FAM221A: variants seen among roughly 807,000 people sequenced by gnomAD.
The protein encoded by FAM221A is protein FAM221A.
Under a neutral mutation model 37.6 loss-of-function variants are expected in FAM221A, and 43 were observed. The ratio of observed to expected loss-of-function variants is 1.15; its 90% CI spans 0.90 to 1.48. FAM221A has a LOEUF of 1.48. FAM221A is among the 40% of genes most tolerant of loss of function. The pLI, the probability that FAM221A is intolerant of heterozygous loss-of-function variation, is 0.00. For missense variants in FAM221A, 361 were observed against 361.5 expected (o/e 1.00, Z 0.01); for synonymous variants, 135 against 132.9 (o/e 1.02, Z -0.11).
rs1428784290 is a variant in FAM221A at position 23,684,561 on chromosome 7, G to T, written c.128G>T (p.Arg43Ile). The T allele has an allele frequency of 1.2e-6, 2 of 1,613,806 alleles. No homozygotes were observed. Among genetic ancestry groups the T allele is most frequent in the Non-Finnish European group, 1.7e-6 (2 of 1,179,954 alleles). Residue 43 changes from arginine (R) to isoleucine (I), a missense_variant, in exon 2 of 7, where the codon AGA becomes ATA. By Grantham distance (97) the Arg-to-Ile change is moderately conservative. Transcript: ENST00000344962. ...FTPEEYEEYKRKVLPLRLQNR... is the reference protein window; with the variant it reads ...FTPEEYEEYKIKVLPLRLQNR... ...CCTGAAGAATATGAAGAATACAAAA[G>T]AAAAGTTTTACCTCTGCGCTTACAA...
chr7:23,683,214 C>T (rs779195876), intron 1 of FAM221A, among the ~76,000 whole-genome samples: 13 of 152,082 alleles, frequency 8.5e-5, no homozygotes, highest in Non-Finnish European at 1.6e-4. Flanking sequence ...TTCTTTTAGT[C>T]GTGCTTTCTT....
chr7:23,683,215 G>A (rs1468125223), intron 1 of FAM221A, among the ~76,000 whole-genome samples: 3 of 152,132 alleles, frequency 2.0e-5, no homozygotes, highest in Non-Finnish European at 4.4e-5. Context: ...TCTTTTAGTC[G>A]TGCTTTCTTT....
chr7:23,686,362 C>A, intron 2 of FAM221A: 1 of 388,350 alleles, frequency 2.6e-6, no homozygotes. Context: ...CTCCTGGGCT[C>A]AAGCGATCCT....
chr7:23,691,352 A>G, intron 3 of FAM221A, 38 bp from the exon 4 acceptor site: 1 of 1,599,084 alleles, frequency 6.3e-7, no homozygotes, highest in Non-Finnish European at 8.6e-7. Flanking sequence ...ACAACATAGT[A>G]CCTTTAAGAA....
At chr7:23,692,365 G>A in intron 4 of FAM221A, 1 of 400,566 alleles carries the variant, frequency 2.5e-6, no homozygotes, top group Non-Finnish European at 3.4e-6. Context: ...TTTTGAGACG[G>A]AGTTTTGCTC....
intron 1 of FAM221A, chr7:23,680,694 CT>C (rs1783978558): frequency 6.1e-6 from 1 of 165,070 alleles, no homozygotes; most frequent in Admixed American, 6.1e-5. Flanking sequence ...CCCCGAGGTG[CT>C]GGTTTTAGGA....
rs185300360 is a variant in FAM221A, at chr7:23,681,876, T to C, written c.65+1593T>C. Among the ~76,000 whole-genome samples, 6 of 152,088 alleles carry C rather than the reference T, an allele frequency of 3.9e-5. No homozygotes were observed. The East Asian group carries it at 9.7e-4, about 24-fold the overall frequency. Reference sequence around the variant, plus strand: ...TGGGGTGGGAAGATGAGTCAAAATATGAGTTTAGAAGGAAACAAACTTTCC... The same window carrying C: ...TGGGGTGGGAAGATGAGTCAAAATACGAGTTTAGAAGGAAACAAACTTTCC... On this transcript the variant is annotated intron_variant, in intron 1 of 6. Transcript: ENST00000344962.
At position 23,689,449 on chromosome 7, in the gene FAM221A, A is replaced by G. The variant is rs1266488431; in HGVS notation, c.420A>G (p.Thr140=). 9.6e-6 allele frequency: 15 copies of G among 1,557,890 alleles called. No homozygotes were observed. The highest frequency in any genetic ancestry group is 1.3e-5 in the Non-Finnish European group (15 of 1,137,948). Residue 140 remains threonine, a synonymous_variant, in exon 3 of 7, where the codon ACA becomes ACG. Transcript: ENST00000344962. ...AGCACAGTGCTGCGCCTGGCTTTAC[A>G]TGCAATACATGTGAGTTATATTATT... is the stretch of plus-strand genomic sequence containing the variant. ...ADQHSAAPGF[T]CNTCSKCSGF...
chr7:23,682,948 T>C (rs1415997197), intron 1 of FAM221A, among the ~76,000 whole-genome samples: 1 of 152,246 alleles, frequency 6.6e-6, no homozygotes, highest in Non-Finnish European at 1.5e-5. Flanking sequence ...TTTGTTTCTT[T>C]ACTATTATGT....
chr7:23,687,358 G>A (rs1333960447), intron 2 of FAM221A: 1 of 152,018 alleles, frequency 6.6e-6, no homozygotes, highest in Non-Finnish European at 1.5e-5. Flanking sequence ...ATGTATTCTG[G>A]TTCTATAAAA....
At chr7:23,690,197 A>T (rs1228469101) in intron 3 of FAM221A, among the ~76,000 whole-genome samples, 1,062 of 36,348 alleles carry the variant, frequency 0.029, 22 homozygotes, top group African/African-American at 0.073. Context: ...ATATATATAT[A>T]TATTTTTTTT....
chr7:23,681,244 T>A (rs933565390), intron 1 of FAM221A, among the ~76,000 whole-genome samples: 4 of 152,092 alleles, frequency 2.6e-5, no homozygotes, highest in African/African-American at 4.8e-5. Flanking sequence ...CAGAGCCGGC[T>A]CCTTTAGCCT....
At chr7:23,702,827 T>C (rs930241239), downstream of FAM221A, 4 of 152,278 alleles carry the variant, frequency 2.6e-5, no homozygotes, top group Admixed American at 2.0e-4. Flanking sequence ...TGGAACACTT[T>C]CCAGCAGGCT....
At chr7:23,698,068 T>A in intron 4 of FAM221A, 124 bp from the exon 5 acceptor site, 1 of 620,134 alleles carries the variant, frequency 1.6e-6, no homozygotes, top group Non-Finnish European at 2.8e-6. Flanking sequence ...TCTAAAATTT[T>A]TTTTTTATAG....
At chr7:23,680,367 G>T in intron 1 of FAM221A, 84 bp downstream of exon 1, 1 of 1,090,824 alleles carries the variant, frequency 9.2e-7, no homozygotes, top group Non-Finnish European at 1.3e-6. Flanking sequence ...GGGGCCCGGC[G>T]GGCGTCCGCG....
At chr7:23,683,754 T>C (rs1000080029) in intron 1 of FAM221A, among the ~76,000 whole-genome samples, 1 of 152,212 alleles carries the variant, frequency 6.6e-6, no homozygotes, top group African/African-American at 2.4e-5. Context: ...CCTATGTTTC[T>C]GGATCAAACC....
At chr7:23,686,636 C>A (rs909752395) in intron 2 of FAM221A, 15 of 158,316 alleles carry the variant, frequency 9.5e-5, no homozygotes, top group Admixed American at 8.7e-4. Context: ...TTCTTCCAAA[C>A]TTTTTCACCC....
intron 2 of FAM221A, chr7:23,686,609 GA>G: frequency 5.9e-6 from 1 of 168,840 alleles, no homozygotes; most frequent in Non-Finnish European, 1.3e-5. Context: ...ATTTAGTACT[GA>G]TCCACTCAGT....
At chr7:23,692,814 CT>C (rs1428783178) in intron 4 of FAM221A, 1 of 836,882 alleles carries the variant, frequency 1.2e-6, no homozygotes, top group Admixed American at 6.2e-5. Context: ...TTACTATTTA[CT>C]TTTTAATTTT....
Sources: allele counts gnomAD v4.1 joint callset (sites outside exome capture counted in the v4.1 genomes callset), GRCh38; gene constraint gnomAD v4.1.1; transcripts MANE v1.5; gene names NCBI Gene and HGNC (gene_info 2026-07-23, HGNC 2026-07-21).